AGK: variants seen among roughly 807,000 people sequenced by gnomAD.
AGK encodes acylglycerol kinase, mitochondrial.
A neutral mutation model predicts 66.4 loss-of-function variants in AGK; 52 were observed. That is an observed-to-expected ratio of 0.78 (90% CI 0.63 to 0.99). The LOEUF is 0.99. Among genes scored for constraint, AGK ranks in the 50% least tolerant of loss-of-function variants. The pLI is 0.00. For synonymous variants in AGK, 182 were observed against 181.1 expected (o/e 1.00, Z -0.04); for missense variants, 451 against 506.6 (o/e 0.89, Z 1.05).
At chr7:141,552,798 A>G (rs779833601) in intron 1 of AGK, among the ~76,000 whole-genome samples, 1 of 152,184 alleles carries the variant, frequency 6.6e-6, no homozygotes, top group Non-Finnish European at 1.5e-5. Flanking sequence ...GAGGAAAGGA[A>G]TGCCCTTATC....
At position 141,578,547 on chromosome 7, in the gene AGK, T is replaced by C. The variant is rs553944038; in HGVS notation, c.102-14599T>C. On this transcript the variant is annotated intron_variant, in intron 2 of 15. Coordinates refer to ENST00000649286, the MANE Select transcript of AGK (RefSeq NM_018238.4). ...GAAGTGTTGGGGCAGCAAAACTTTT[T>C]TGGGGGGTGGCATGGAGAGATAATG... Among the ~76,000 whole-genome samples the C allele has an allele frequency of 1.4e-4, 21 of 151,740 alleles. 1 individual carries two copies. Among genetic ancestry groups the C allele is most frequent in the South Asian group, 4.2e-4 (2 of 4,806 alleles).
chr7:141,636,060 T>G lies in AGK; in HGVS notation c.669-900T>G, dbSNP rs1183597176. On this transcript the variant is annotated intron_variant, in intron 10 of 15. Transcript: ENST00000649286. ...AATCTATTTTATGCCGTTTTCTAATTCCGATTAGGTGTCTTCCTCTCTCCA... is the reference window on the plus strand; with the variant it reads ...AATCTATTTTATGCCGTTTTCTAATGCCGATTAGGTGTCTTCCTCTCTCCA... Among the ~76,000 whole-genome samples the G allele has an allele frequency of 2.0e-5, 3 of 152,228 alleles. No homozygotes were observed. The East Asian group carries it at 5.8e-4, about 29-fold the overall frequency.
chr7:141,647,045 C>A (rs2117023738), intron 13 of AGK, among the ~76,000 whole-genome samples: 1 of 152,206 alleles, frequency 6.6e-6, no homozygotes, highest in Middle Eastern at 3.4e-3. Context: ...CTGCTTTAAC[C>A]CATTCTTCCT....
Position 141,633,954 on chromosome 7 carries a change from C to T in AGK, c.642C>T (p.Phe214=). 6.2e-7 allele frequency: 1 copy of T among 1,613,954 alleles called. No homozygotes were observed. The highest frequency in any genetic ancestry group is 8.5e-7 in the Non-Finnish European group (1 of 1,179,898). The change falls in exon 10 of 16, where the codon TTC becomes TTT. Residue 214 remains phenylalanine, a synonymous_variant. Transcript: ENST00000649286. ...TGACCGGCCTTCGATGGGGATCTTT[C>T]AGAGATGCTGGCGTCAAAGTTAGCA... ...FAMTGLRWGS[F]RDAGVKVSKY...
At chr7:141,569,525 C>A (rs1171438563) in intron 2 of AGK, among the ~76,000 whole-genome samples, 2 of 152,206 alleles carry the variant, frequency 1.3e-5, no homozygotes, top group African/African-American at 2.4e-5. Context: ...CAGAGCAGGA[C>A]TCTGTCTCAA....
intron 2 of AGK, among the ~76,000 whole-genome samples, chr7:141,562,497 G>A (rs190412796): frequency 1.4e-4 from 21 of 152,322 alleles, no homozygotes; most frequent in Non-Finnish European, 2.8e-4. Flanking sequence ...GTGGGTCTGA[G>A]CTAAGACTCT....
intron 9 of AGK, among the ~76,000 whole-genome samples, chr7:141,630,421 C>T (rs1797030075): frequency 6.6e-6 from 1 of 152,022 alleles, no homozygotes; most frequent in African/African-American, 2.4e-5. Context: ...TCAAATGTCT[C>T]ACCACAAAAA....
intron 6 of AGK, among the ~76,000 whole-genome samples, chr7:141,613,769 A>G (rs1197729953): frequency 6.6e-6 from 1 of 152,184 alleles, no homozygotes; most frequent in Non-Finnish European, 1.5e-5. Flanking sequence ...ACACTCTCTG[A>G]GTGTAGCAAA....
intron 2 of AGK, among the ~76,000 whole-genome samples, chr7:141,582,816 T>TTATCACCTTTTATAGGTGA (rs1795909842): frequency 1.3e-5 from 2 of 151,234 alleles, no homozygotes; most frequent in African/African-American, 4.9e-5. Flanking sequence ...GATAAAAGGA[T>TTATCACCTTTTATAGGTGA]TATAGGGTAG....
Position 141,601,197 on chromosome 7 carries a change from G to T in AGK, c.222-8G>T. 1 of 1,602,126 alleles carries T rather than the reference G, an allele frequency of 6.2e-7. No homozygotes were observed. The highest frequency in any genetic ancestry group is 1.1e-5 in the South Asian group (1 of 89,754). ...TTAAAATGTTTATATTTTTTCCTTT[G>T]TTAACAGAAAAGCCAGGACTCTATT... On this transcript the variant is annotated splice_polypyrimidine_tract_variant and splice_region_variant and intron_variant, in intron 4 of 15. Coordinates refer to ENST00000649286, the MANE Select transcript of AGK (RefSeq NM_018238.4).
At chr7:141,609,013 A>G (rs767940457) in intron 5 of AGK, among the ~76,000 whole-genome samples, 1 of 152,168 alleles carries the variant, frequency 6.6e-6, no homozygotes, top group African/African-American at 2.4e-5. Context: ...TAAAAGTCAA[A>G]TATTTGCGAA....
At chr7:141,595,463 A>ATTTTTG (rs566299121) in intron 3 of AGK, among the ~76,000 whole-genome samples, 1 of 152,312 alleles carries the variant, frequency 6.6e-6, no homozygotes, top group South Asian at 2.1e-4. Flanking sequence ...GAAAAAAAGT[A>ATTTTTG]TTTTTGTTTT....
At chr7:141,632,356 C>T (rs1797077984) in intron 9 of AGK, among the ~76,000 whole-genome samples, 1 of 152,142 alleles carries the variant, frequency 6.6e-6, no homozygotes, top group Non-Finnish European at 1.5e-5. Flanking sequence ...ATTGTTGGTA[C>T]ATAAAGCAAT....
At chr7:141,634,187 A>G (rs1366125004) in intron 10 of AGK, among the ~76,000 whole-genome samples, 1 of 152,180 alleles carries the variant, frequency 6.6e-6, no homozygotes, top group African/African-American at 2.4e-5. Context: ...CAGCTTCCTC[A>G]ACACTAGCTG....
At chr7:141,600,129 C>T (rs1309190099) in intron 4 of AGK, among the ~76,000 whole-genome samples, 1 of 152,092 alleles carries the variant, frequency 6.6e-6, no homozygotes, top group African/African-American at 2.4e-5. Flanking sequence ...TCAAAGGATA[C>T]AGCCTTAGTT....
In AGK at chr7:141,641,881, A is replaced by G; in HGVS notation, c.948A>G (p.Thr316=). The G allele has an allele frequency of 6.3e-7, 1 of 1,582,800 alleles. No individual in the cohort carries two copies. The highest frequency in any genetic ancestry group is 1.3e-5 in the African/African-American group (1 of 74,772). Residue 316 remains threonine, a synonymous_variant, in exon 13 of 16, where the codon ACA becomes ACG. Transcript: ENST00000649286. ...TGTCCACCATTGAACTGTCCATCAC[A>G]ACACGGAATAATCAGCTTGACCCGA... ...VQLSTIELSI[T]TRNNQLDPTS...
intron 5 of AGK, among the ~76,000 whole-genome samples, chr7:141,609,986 T>G (rs942550494): frequency 3.3e-5 from 5 of 151,274 alleles, no homozygotes; most frequent in African/African-American, 4.9e-5. Context: ...TTTTTTTTCC[T>G]GAGACAGAGT....
intron 15 of AGK, 84 bp downstream of exon 15, chr7:141,651,693 C>A: frequency 2.3e-6 from 3 of 1,283,442 alleles, no homozygotes; most frequent in Non-Finnish European, 3.4e-6. Context: ...TCCTTCCTCT[C>A]TGTTAGCTGA....
intron 2 of AGK, among the ~76,000 whole-genome samples, chr7:141,584,994 G>C (rs1360575772): frequency 6.6e-6 from 1 of 152,190 alleles, no homozygotes; most frequent in African/African-American, 2.4e-5. Flanking sequence ...TTTGGTAGCA[G>C]GTAGTGCATG....
Sources: gnomAD v4.1 joint callset for allele counts (sites outside exome capture counted in the v4.1 genomes callset) on GRCh38, gnomAD v4.1.1 for gene constraint, MANE v1.5 for transcripts, NCBI Gene and HGNC (gene_info 2026-07-23, HGNC 2026-07-21) for gene names.